ARHGAP40: variants seen among roughly 807,000 people sequenced by gnomAD.
ARHGAP40 encodes rho GTPase-activating protein 40.
Under a neutral mutation model 73.5 loss-of-function variants are expected in ARHGAP40, and 43 were observed. The observed-to-expected ratio is 0.58, with a 90% CI of 0.46 to 0.75. ARHGAP40 has a LOEUF of 0.75. Among genes scored for constraint, ARHGAP40 ranks in the 30% least tolerant of loss-of-function variants. The pLI is 0.00. For synonymous variants in ARHGAP40, 300 were observed against 352.8 expected (o/e 0.85, Z 1.68); for missense variants, 734 against 861.8 (o/e 0.85, Z 1.86).
chr20:38,649,356 C>G (rs2145618057), intron 14 of ARHGAP40, among the ~76,000 whole-genome samples: 1 of 152,272 alleles, frequency 6.6e-6, no homozygotes, highest in Non-Finnish European at 1.5e-5. Context: ...GGGGGTGCCC[C>G]TCAGGAAAAG....
intron 1 of ARHGAP40, among the ~76,000 whole-genome samples, chr20:38,610,895 C>CTTTTT (rs1409196101): frequency 9.5e-6 from 1 of 105,680 alleles, no homozygotes. Flanking sequence ...TTTTTTTTTT[C>CTTTTT]TTTTTTTTTT....
intron 5 of ARHGAP40, among the ~76,000 whole-genome samples, chr20:38,632,299 A>C (rs1413776711): frequency 2.4e-5 from 3 of 125,488 alleles, no homozygotes; most frequent in Admixed American, 2.3e-4. Context: ...GTCTCGCTCT[A>C]TTGCCCAGGC....
At chr20:38,610,352 G>C (rs2088797269) in intron 1 of ARHGAP40, among the ~76,000 whole-genome samples, 1 of 152,176 alleles carries the variant, frequency 6.6e-6, no homozygotes, top group Non-Finnish European at 1.5e-5. Flanking sequence ...ACGTGGCAGA[G>C]TGTAACATCT....
Position 38,646,320 on chromosome 20 carries a change from C to G in ARHGAP40, c.1710+133C>G, listed in dbSNP as rs2089053110. ...ACGGCCCAGTGAGGCCACCAGGGGG[C>G]GTTGCGGCGCCGTCACGGGGAGCGA... On this transcript the variant is annotated intron_variant, in intron 12 of 14. Coordinates refer to ENST00000373345, the Ensembl canonical transcript of ARHGAP40. This position sits in a 1 kb window ranked among gnomAD's most constrained non-coding sequence, Gnocchi z 4.5. The G allele has an allele frequency of 9.7e-7, 1 of 1,031,486 alleles. No individual in the cohort carries two copies. The highest frequency in any genetic ancestry group is 2.0e-5 in the South Asian group (1 of 51,024). 63.9% of individuals were successfully genotyped at this position (1,031,486 alleles called of 1,614,324 possible). A position where few individuals can be genotyped will look rare whatever the true frequency, so the allele number is the denominator to read the frequency against.
At chr20:38,624,965 A>G (rs759052490) in intron 2 of ARHGAP40, among the ~76,000 whole-genome samples, 9 of 152,258 alleles carry the variant, frequency 5.9e-5, no homozygotes, top group Non-Finnish European at 1.3e-4. Context: ...TGCCTAGAAC[A>G]GAGCCAAGCA....
Position 38,632,551 on chromosome 20 carries a change from G to A in ARHGAP40, c.784-2069G>A, listed in dbSNP as rs560894838. Among the ~76,000 whole-genome samples, 3 of 151,970 alleles carry A rather than the reference G, an allele frequency of 2.0e-5. No individual in the cohort carries two copies. In the South Asian group the frequency reaches 6.2e-4, roughly 32 times the overall value. ...GCTGGGATTACAGGCGTGAGCCACC[G>A]CGCCTGGCCTAAAATTTTTTAATAA... On this transcript the variant is annotated intron_variant, in intron 5 of 14. Transcript: ENST00000373345.
Position 38,646,866 on chromosome 20 carries a change from A to G in ARHGAP40, c.1711-91A>G, listed in dbSNP as rs1191655565. Reference sequence around the variant, plus strand: ...GATTTTCAGCGTGGGCATTTGCGTAAGTGCCATGTATGCGTGTTTATGCAT... The same window carrying G: ...GATTTTCAGCGTGGGCATTTGCGTAGGTGCCATGTATGCGTGTTTATGCAT... On this transcript the variant is annotated intron_variant, in intron 12 of 14. Coordinates refer to ENST00000373345, the Ensembl canonical transcript of ARHGAP40. The surrounding 1 kb of genome is among the most constrained non-coding windows in gnomAD (Gnocchi z 4.5). The G allele has an allele frequency of 5.1e-6, 6 of 1,166,312 alleles. No homozygotes were observed. The East Asian group carries it at 3.0e-4, about 57-fold the overall frequency. 72.2% of individuals were successfully genotyped at this position (1,166,312 alleles called of 1,614,324 possible).
exon 1 of ARHGAP40, chr20:38,602,045 C>A: frequency 7.8e-7 from 1 of 1,287,216 alleles, no homozygotes; most frequent in South Asian, 1.2e-5. Context: ...CATTGCCAGG[C>A]GCTGCGCCCA....
chr20:38,640,881 T>A (rs1467818218), intron 9 of ARHGAP40, among the ~76,000 whole-genome samples: 1 of 152,232 alleles, frequency 6.6e-6, no homozygotes, highest in Non-Finnish European at 1.5e-5. Context: ...CCAGCCTCTA[T>A]AATGATGCAA....
chr20:38,602,130 G>GGCATGTGCGGTCTGTCTTCACA, intron 1 of ARHGAP40, 51 bp downstream of exon 1: 1 of 1,243,360 alleles, frequency 8.0e-7, no homozygotes, highest in Admixed American at 2.6e-5. Context: ...ATGCACCAGG[G>GGCATGTGCGGTCTGTCTTCACA]GCATGTGCGG....
At chr20:38,603,071 G>A (rs925186546) in intron 1 of ARHGAP40, among the ~76,000 whole-genome samples, 2 of 152,218 alleles carry the variant, frequency 1.3e-5, no homozygotes, top group African/African-American at 4.8e-5. Context: ...CTCCAAAAGT[G>A]TTCTAGCTTG....
rs1311562915 is a variant in ARHGAP40, at chr20:38,646,431, C to A, written c.1710+244C>A. Among the ~76,000 whole-genome samples, 1 of 152,208 alleles carries A rather than the reference C, an allele frequency of 6.6e-6. No homozygotes were observed. The highest frequency in any genetic ancestry group is 2.4e-5 in the African/African-American group (1 of 41,464). On this transcript the variant is annotated intron_variant, in intron 12 of 14. Transcript: ENST00000373345. This position sits in a 1 kb window ranked among gnomAD's most constrained non-coding sequence, Gnocchi z 4.5. Reference sequence around the variant, plus strand: ...CGGAGACTTCCCCTAGAAACCGTCACCGCCGCCCCATTTTTCGGCAGCCCC... The same window carrying A: ...CGGAGACTTCCCCTAGAAACCGTCAACGCCGCCCCATTTTTCGGCAGCCCC...
At chr20:38,642,240 G>T (rs1408885901) in intron 10 of ARHGAP40, among the ~76,000 whole-genome samples, 1 of 152,196 alleles carries the variant, frequency 6.6e-6, no homozygotes, top group East Asian at 1.9e-4. Flanking sequence ...GGAAAGCATT[G>T]CATGGCACTG....
At chr20:38,602,373 C>A (rs188277989) in intron 1 of ARHGAP40, among the ~76,000 whole-genome samples, 1 of 147,552 alleles carries the variant, frequency 6.8e-6, no homozygotes, top group African/African-American at 2.5e-5. Context: ...CCGTGAGTGA[C>A]GCCAGTATGT....
chr20:38,643,413 C>T (rs770154647), intron 10 of ARHGAP40, among the ~76,000 whole-genome samples: 1 of 152,204 alleles, frequency 6.6e-6, no homozygotes, highest in African/African-American at 2.4e-5. Context: ...ATGTTCCAGA[C>T]CTGTGGCCCT....
intron 1 of ARHGAP40, among the ~76,000 whole-genome samples, chr20:38,609,994 G>A (rs1210113709): frequency 6.6e-6 from 1 of 152,192 alleles, no homozygotes; most frequent in Non-Finnish European, 1.5e-5. Flanking sequence ...GGATAATGAG[G>A]CCATGCCTCA....
At chr20:38,613,405 CATA>C (rs760374025) in intron 1 of ARHGAP40, among the ~76,000 whole-genome samples, 88 of 152,206 alleles carry the variant, frequency 5.8e-4, no homozygotes, top group Non-Finnish European at 9.6e-4. Context: ...ACCCCAGCAA[CATA>C]ATGATACTCC....
chr20:38,608,846 C>T (rs143021322), intron 1 of ARHGAP40, among the ~76,000 whole-genome samples: 146 of 152,272 alleles, frequency 9.6e-4, no homozygotes, highest in Non-Finnish European at 1.7e-3. Context: ...TTTCTGGAGG[C>T]TCTCGGGGAC....
At chr20:38,639,155 C>T (rs1008354993) in intron 8 of ARHGAP40, 72 bp from the exon 9 acceptor site, 13 of 1,279,586 alleles carry the variant, frequency 1.0e-5, no homozygotes, top group Non-Finnish European at 1.3e-5. Flanking sequence ...AAACCAAGCC[C>T]CAGAGAAGTG....
Sources: allele counts gnomAD v4.1 joint callset (sites outside exome capture counted in the v4.1 genomes callset), GRCh38; gene constraint gnomAD v4.1.1; non-coding constraint Gnocchi (gnomAD v3.1); transcripts MANE v1.5; gene names NCBI Gene and HGNC (gene_info 2026-07-23, HGNC 2026-07-21).